Variants in OPA1 observed in about 807,000 individuals in gnomAD.
The protein encoded by OPA1 is OPA1 mitochondrial dynamin like GTPase, also known as dynamin-like GTPase OPA1, mitochondrial.
OPA1 carries 59 observed loss-of-function variants against 152.9 expected under a neutral mutation model. The observed-to-expected ratio is 0.39, with a 90% CI of 0.31 to 0.48. The LOEUF (loss-of-function observed/expected upper bound fraction) is 0.48, where lower values mean the gene tolerates loss of function less well. Ranked by LOEUF, OPA1 falls within the 20% of genes least tolerant of loss-of-function variation. OPA1 has a pLI of 0.96. For synonymous variants in OPA1, 400 were observed against 389.9 expected (o/e 1.03, Z -0.31); for missense variants, 1,008 against 1,216.8 (o/e 0.83, Z 2.55).
In OPA1 at chr3:193,697,320, A is replaced by C. The variant is rs538388736; in HGVS notation, c.*2720A>C. On this transcript the variant is annotated 3_prime_UTR_variant, in exon 31 of 31. Transcript: ENST00000361510. ...CTAGCAGTATGGAAATGTGCTTTAA[A>C]ATATGCTTACCTTTTGAATGATCAT... 6.6e-6 allele frequency: 1 copy of C among 152,198 alleles called. No individual in the cohort carries two copies. The highest frequency in any genetic ancestry group is 2.4e-5 in the African/African-American group (1 of 41,442). The allele number at this position is 152,198 out of a possible 1,614,324, so 9.4% of individuals were successfully genotyped here.
At chr3:193,676,776 C>T (rs536207155) in intron 29 of OPA1, among the ~76,000 whole-genome samples, 69 of 152,132 alleles carry the variant, frequency 4.5e-4, no homozygotes, top group Admixed American at 1.6e-3. Flanking sequence ...GTCAGGAGAT[C>T]CAGACCATCC....
In OPA1 at chr3:193,645,775, T is replaced by C; in HGVS notation, c.1729T>C (p.Phe577Leu). The change falls in exon 18 of 31, where the codon TTT (phenylalanine) becomes CTT (leucine). Residue 577 changes from phenylalanine to leucine, a missense_variant. Phe to Leu is a conservative substitution (Grantham distance 22). This residue lies in a region of OPA1 where 213 missense variants were observed against 291.4 expected (regional missense o/e 0.73). Transcript: ENST00000361510. ...IEAIREYEEE[F>L]FQNSKLLKTS... ...AGCTATAAGAGAATATGAAGAAGAG[T>C]TTTTTCAGAATTCAAAGCTCCTAAA... The C allele has an allele frequency of 1.2e-6, 2 of 1,612,492 alleles. No individual in the cohort carries two copies. The highest frequency in any genetic ancestry group is 1.7e-6 in the Non-Finnish European group (2 of 1,179,344).
intron 8 of OPA1, among the ~76,000 whole-genome samples, chr3:193,633,195 C>CAAAAG (rs1429439503): frequency 2.8e-4 from 43 of 152,282 alleles, no homozygotes; most frequent in Middle Eastern, 6.8e-3. Context: ...CTCTGGAGCA[C>CAAAAG]ATTAGAAATG....
intron 29 of OPA1, among the ~76,000 whole-genome samples, chr3:193,675,952 A>C (rs973056236): frequency 6.6e-6 from 1 of 152,220 alleles, no homozygotes; most frequent in Admixed American, 6.5e-5. Context: ...GTCTTGCCAG[A>C]AAGTTACTGC....
chr3:193,670,385 C>A (rs57235006), intron 29 of OPA1, among the ~76,000 whole-genome samples: 1,681 of 151,040 alleles, frequency 0.011, 35 homozygotes, highest in African/African-American at 0.038. Context: ...ACTTCCCCCC[C>A]ACCTTTTTTT....
intron 9 of OPA1, among the ~76,000 whole-genome samples, chr3:193,636,076 T>C (rs1362775368): frequency 6.6e-6 from 1 of 152,190 alleles, no homozygotes; most frequent in Non-Finnish European, 1.5e-5. Flanking sequence ...AAACCACATG[T>C]GCTAAATTGA....
intron 1 of OPA1, among the ~76,000 whole-genome samples, chr3:193,610,322 G>T (rs1728001446): frequency 6.6e-6 from 1 of 152,194 alleles, no homozygotes; most frequent in Non-Finnish European, 1.5e-5. Context: ...GTTTGCCTGG[G>T]TATCAGCAGC....
chr3:193,615,144 A>C (rs1205897186), intron 2 of OPA1, 103 bp downstream of exon 2: 1 of 928,680 alleles, frequency 1.1e-6, no homozygotes, highest in African/African-American at 1.6e-5. Flanking sequence ...ATGTTTAAAC[A>C]TTTATTTTGT....
At chr3:193,660,695 T>G (rs1020278999) in intron 25 of OPA1, among the ~76,000 whole-genome samples, 1 of 151,910 alleles carries the variant, frequency 6.6e-6, no homozygotes, top group African/African-American at 2.4e-5. Flanking sequence ...TCTGTGTTTC[T>G]TTACTATTTT....
intron 20 of OPA1, chr3:193,648,555 T>C: frequency 2.1e-6 from 1 of 466,094 alleles, no homozygotes; most frequent in South Asian, 2.3e-5. Flanking sequence ...CGTGAACAAG[T>C]GTTATGTGAA....
intron 18 of OPA1, among the ~76,000 whole-genome samples, chr3:193,646,316 A>G (rs1475306345): frequency 1.1e-4 from 17 of 152,250 alleles, no homozygotes; most frequent in Admixed American, 1.1e-3. Context: ...CGGTAAGTCA[A>G]GATAGTTCTT....
intron 7 of OPA1, among the ~76,000 whole-genome samples, chr3:193,626,557 A>G (rs1030300262): frequency 2.0e-5 from 3 of 152,188 alleles, no homozygotes; most frequent in Non-Finnish European, 2.9e-5. Flanking sequence ...CCAAGTTTTT[A>G]TTTCTAAAAT....
chr3:193,631,758 A>C, intron 8 of OPA1, 93 bp downstream of exon 8: 1 of 1,047,986 alleles, frequency 9.5e-7, no homozygotes, highest in Non-Finnish European at 1.5e-6. Context: ...TCAACAGAGC[A>C]AAATTTGGAA....
intron 13 of OPA1, 76 bp from the exon 14 acceptor site, chr3:193,643,297 A>T: frequency 8.4e-7 from 1 of 1,189,942 alleles, no homozygotes; most frequent in Non-Finnish European, 1.3e-6. Flanking sequence ...TTTTTAGAAT[A>T]CATTTCACCA....
chr3:193,668,640 A>ACTCTC (rs111444680), intron 29 of OPA1: 16 of 1,516,096 alleles, frequency 1.1e-5, no homozygotes, highest in African/African-American at 4.1e-5. Flanking sequence ...CTGCACAGAT[A>ACTCTC]CTCTCCTCAG....
rs759919301 is a variant in OPA1, at chr3:193,642,745, C to T, written c.1150-20C>T. ...TACTTATAAATACATCATTACCTCTCAGTTTTCTGTTACTATCAGGTGACT... is the reference window on the plus strand; with the variant it reads ...TACTTATAAATACATCATTACCTCTTAGTTTTCTGTTACTATCAGGTGACT... On this transcript the variant is annotated intron_variant, in intron 11 of 30. Transcript: ENST00000361510. 6.5e-7 allele frequency: 1 copy of T among 1,544,022 alleles called. No individual in the cohort carries two copies. The highest frequency in any genetic ancestry group is 1.1e-5 in the South Asian group (1 of 89,488).
rs371803883 is a variant in OPA1 at position 193,593,441 on chromosome 3, T to A, written c.32+32T>A. On this transcript the variant is annotated intron_variant, in intron 1 of 30. Transcript: ENST00000361510. ...GCAGGCTCTAATCTGGCCCCGTTAA[T>A]TCTGGGGCCTCTTGAGAGTGGGGCT... 1.1e-5 allele frequency: 17 copies of A among 1,510,110 alleles called. No individual in the cohort carries two copies. The African/African-American group carries it at 2.2e-4, about 20-fold the overall frequency. 93.5% of individuals were successfully genotyped at this position (1,510,110 alleles called of 1,614,324 possible).
chr3:193,666,295 G>T lies in OPA1; in HGVS notation c.2779-1G>T. ...GTAATCTTAGTTACTTAATATTTCA[G>T]TTGGAATGCAATGATGTGGTCTTGT... is the stretch of plus-strand genomic sequence containing the variant. On this transcript the variant is annotated splice_acceptor_variant, in intron 27 of 30. Transcript: ENST00000361510. LOFTEE classifies it high-confidence loss of function. 3 of 1,613,218 alleles carry T rather than the reference G, an allele frequency of 1.9e-6. No homozygotes were observed. The highest frequency in any genetic ancestry group is 2.5e-6 in the Non-Finnish European group (3 of 1,179,194).
chr3:193,639,007 G>C (rs545901932), intron 11 of OPA1, among the ~76,000 whole-genome samples: 10 of 152,248 alleles, frequency 6.6e-5, no homozygotes, highest in East Asian at 5.8e-4. Flanking sequence ...TCTAATAAAG[G>C]GGGGAAATGA....
Sources: allele counts gnomAD v4.1 joint callset (sites outside exome capture counted in the v4.1 genomes callset), GRCh38; gene constraint gnomAD v4.1.1; regional missense constraint gnomAD v4.1.1; transcripts MANE v1.5; gene names NCBI Gene and HGNC (gene_info 2026-07-23, HGNC 2026-07-21).